Variants in GHR observed in about 807,000 individuals in gnomAD.
GHR encodes growth hormone receptor.
GHR carries 35 observed loss-of-function variants against 67.1 expected under a neutral mutation model. The observed-to-expected ratio is 0.52, with a 90% confidence interval of 0.40 to 0.69. The LOEUF is 0.69. Among genes scored for constraint, GHR ranks in the 30% least tolerant of loss-of-function variants. The pLI, the probability that GHR is intolerant of heterozygous loss-of-function variation, is 0.00. For missense variants in GHR, 792 were observed against 764.6 expected (o/e 1.04, Z -0.42); for synonymous variants, 272 against 269.1 (o/e 1.01, Z -0.10).
intron 3 of GHR, among the ~76,000 whole-genome samples, chr5:42,640,792 A>G (rs538449645): frequency 2.7e-5 from 4 of 149,178 alleles, no homozygotes; most frequent in Non-Finnish European, 4.4e-5. Flanking sequence ...GTATCTTTTA[A>G]TTGCCATGTA....
At chr5:42,441,751 C>A (rs1216708034) in intron 1 of GHR, among the ~76,000 whole-genome samples, 1 of 152,112 alleles carries the variant, frequency 6.6e-6, no homozygotes, top group East Asian at 1.9e-4. Context: ...CCTCATGATT[C>A]GCCTGCCTTG....
At chr5:42,590,953 A>T (rs1751742607) in intron 2 of GHR, among the ~76,000 whole-genome samples, 1 of 152,264 alleles carries the variant, frequency 6.6e-6, no homozygotes, top group South Asian at 2.1e-4. Context: ...AGTTCAGCAC[A>T]GTAAAATATG....
intron 1 of GHR, among the ~76,000 whole-genome samples, chr5:42,515,835 A>G (rs989328713): frequency 6.6e-6 from 1 of 152,214 alleles, no homozygotes; most frequent in African/African-American, 2.4e-5. Flanking sequence ...GTTTTATCGC[A>G]GCCTATGAAA....
At chr5:42,487,571 C>T (rs1745936137) in intron 1 of GHR, among the ~76,000 whole-genome samples, 1 of 152,154 alleles carries the variant, frequency 6.6e-6, no homozygotes, top group African/African-American at 2.4e-5. Flanking sequence ...GAAATCCCTA[C>T]AAATCAACAG....
At chr5:42,557,770 C>T (rs756870746) in intron 1 of GHR, among the ~76,000 whole-genome samples, 104 of 152,146 alleles carry the variant, frequency 6.8e-4, no homozygotes, top group Admixed American at 6.5e-4. Flanking sequence ...TGATTATTAA[C>T]TAAATGTGAT....
At chr5:42,683,103 G>A (rs889969902) in intron 3 of GHR, among the ~76,000 whole-genome samples, 5 of 152,174 alleles carry the variant, frequency 3.3e-5, no homozygotes, top group Non-Finnish European at 7.3e-5. Flanking sequence ...CCAGGTTCAA[G>A]CAATTCTCCT....
At chr5:42,678,056 C>A (rs372258665) in intron 3 of GHR, among the ~76,000 whole-genome samples, 3 of 152,260 alleles carry the variant, frequency 2.0e-5, no homozygotes, top group East Asian at 3.9e-4. Context: ...AGGCACTTTT[C>A]TAAGAACTTT....
chr5:42,614,559 A>ATTTTTTTT lies in GHR; in HGVS notation c.71-14454_71-14447dup, dbSNP rs553365880. ...GCAAGCTTTATAGGCCATAGAGGAC[A>ATTTTTTTT]TTTTTTTTTTTTTTTTTTTTTTTTT... On this transcript the variant is annotated intron_variant, in intron 2 of 9. Coordinates refer to ENST00000230882, the MANE Select transcript of GHR (RefSeq NM_000163.5). Among the ~76,000 whole-genome samples the ATTTTTTTT allele has an allele frequency of 4.3e-3, 281 of 65,408 alleles. 17 individuals carry two copies. Among genetic ancestry groups the ATTTTTTTT allele is most frequent in the African/African-American group, 0.017 (263 of 15,840 alleles). The allele number at this position is 65,408 out of a possible 152,430, so 42.9% of individuals were successfully genotyped here. A position where few individuals can be genotyped will look rare whatever the true frequency, so the allele number is the denominator to read the frequency against.
chr5:42,454,961 C>T (rs1326761167), intron 1 of GHR, among the ~76,000 whole-genome samples: 2 of 152,094 alleles, frequency 1.3e-5, no homozygotes, highest in Non-Finnish European at 1.5e-5. Flanking sequence ...ACCTTGTGCC[C>T]CCTCCCTAAT....
rs750618319 is a variant in GHR, at chr5:42,718,513, T to C, written c.1006T>C (p.Phe336Leu). ...LAIHDSYKPE[F>L]HSDDSWVEFI... The stretch of plus-strand genomic sequence containing the variant: ...CATTCATGATAGCTATAAACCCGAA[T>C]TCCACAGTGATGACTCTTGGGTTGA... Residue 336 changes from phenylalanine (F) to leucine (L), a missense_variant, in exon 10 of 10, where the codon TTC (phenylalanine) becomes CTC (leucine). Transcript: ENST00000230882. The C allele has an allele frequency of 5.6e-6, 9 of 1,612,868 alleles. No homozygotes were observed. The highest frequency in any genetic ancestry group is 1.3e-5 in the African/African-American group (1 of 74,894).
intron 1 of GHR, among the ~76,000 whole-genome samples, chr5:42,507,504 G>T (rs1426394762): frequency 6.6e-6 from 1 of 152,198 alleles, no homozygotes; most frequent in Non-Finnish European, 1.5e-5. Context: ...ACTCAAGTGC[G>T]ATTGTAAAAT....
At chr5:42,576,112 A>G (rs374718430) in intron 2 of GHR, among the ~76,000 whole-genome samples, 22,231 of 124,272 alleles carry the variant, frequency 0.18, 2,419 homozygotes, top group African/African-American at 0.24. Flanking sequence ...ATAAAATAAA[A>G]TAAAATAAAA....
At chr5:42,675,064 C>T (rs1304432726) in intron 3 of GHR, among the ~76,000 whole-genome samples, 2 of 152,026 alleles carry the variant, frequency 1.3e-5, no homozygotes, top group African/African-American at 2.4e-5. Context: ...TTACCCTAAC[C>T]AACCAGAAAA....
chr5:42,433,889 C>T (rs1319284893), intron 1 of GHR, among the ~76,000 whole-genome samples: 1 of 151,722 alleles, frequency 6.6e-6, no homozygotes, highest in African/African-American at 2.4e-5. Context: ...ATTTGTTATC[C>T]GTTGGAAGCT....
At chr5:42,646,885 T>G (rs1432331344) in intron 3 of GHR, among the ~76,000 whole-genome samples, 1 of 152,184 alleles carries the variant, frequency 6.6e-6, no homozygotes, top group Non-Finnish European at 1.5e-5. Context: ...ACTTGCATAC[T>G]TTCTCATATT....
Position 42,565,922 on chromosome 5 carries a change from T to G in GHR, c.48T>G (p.Ser16Arg), listed in dbSNP as rs1174610023. 3 of 1,614,006 alleles carry G rather than the reference T, an allele frequency of 1.9e-6. No individual in the cohort carries two copies. The East Asian group carries it at 6.7e-5, about 36-fold the overall frequency. The change falls in exon 2 of 10, where the codon AGT becomes AGG. Residue 16 changes from serine (S) to arginine (R), a missense_variant. By Grantham distance (110) the Ser-to-Arg change is moderately radical. Coordinates refer to ENST00000230882, the MANE Select transcript of GHR (RefSeq NM_000163.5). Reference protein sequence around the residue: ...LLLTLALAGSSDAFSGSEATA... With the variant: ...LLLTLALAGSRDAFSGSEATA... ...TGACCTTGGCACTGGCAGGATCAAGTGATGCTTTTTCTGGAAGTGAGGGTG... is the reference window on the plus strand; with the variant it reads ...TGACCTTGGCACTGGCAGGATCAAGGGATGCTTTTTCTGGAAGTGAGGGTG...
intron 2 of GHR, among the ~76,000 whole-genome samples, chr5:42,588,697 A>G (rs1314166478): frequency 6.6e-6 from 1 of 151,988 alleles, no homozygotes; most frequent in Non-Finnish European, 1.5e-5. Flanking sequence ...TTTTTCCTCC[A>G]TAACTGTATT....
rs1171546790 is a variant in GHR, at chr5:42,718,531, T to C, written c.1024T>C (p.Trp342Arg). The C allele has an allele frequency of 1.4e-5, 22 of 1,613,404 alleles. No individual in the cohort carries two copies. The highest frequency in any genetic ancestry group is 1.7e-5 in the Non-Finnish European group (20 of 1,179,454). Residue 342 changes from tryptophan (W) to arginine (R), a missense_variant, in exon 10 of 10, where the codon TGG (tryptophan) becomes CGG (arginine). Transcript: ENST00000230882. ...ACCCGAATTCCACAGTGATGACTCT[T>C]GGGTTGAATTTATTGAGCTAGATAT... ...YKPEFHSDDS[W>R]VEFIELDIDE... is the part of the protein sequence containing the mutation.
intron 2 of GHR, among the ~76,000 whole-genome samples, chr5:42,593,969 C>T (rs919541894): frequency 1.3e-5 from 2 of 152,140 alleles, no homozygotes; most frequent in Non-Finnish European, 2.9e-5. Context: ...CAAGATTGTC[C>T]CTCAGCCATC....
Sources: gnomAD v4.1 joint callset for allele counts (sites outside exome capture counted in the v4.1 genomes callset) on GRCh38, gnomAD v4.1.1 for gene constraint, MANE v1.5 for transcripts, NCBI Gene and HGNC (gene_info 2026-07-23, HGNC 2026-07-21) for gene names.